Variants in ASPRV1 observed in about 807,000 individuals in gnomAD.
ASPRV1 encodes retroviral-like aspartic protease 1.
Under a neutral mutation model 11.0 loss-of-function variants are expected in ASPRV1, and 7 were observed. The ratio of observed to expected loss-of-function variants is 0.64; its 90% CI spans 0.36 to 1.20. ASPRV1 has a LOEUF of 1.20. ASPRV1 is among the 50% of genes most tolerant of loss of function. ASPRV1 has a pLI of 0.02. For missense variants in ASPRV1, 299 were observed against 320.0 expected (o/e 0.93, Z 0.50); for synonymous variants, 136 against 138.4 (o/e 0.98, Z 0.12).
the ASPRV1 span, among the ~76,000 whole-genome samples, chr2:69,973,403 T>A: frequency 6.6e-6 from 1 of 152,066 alleles, no homozygotes; most frequent in Non-Finnish European, 1.5e-5. Context: ...TTTTACAGAA[T>A]GGGTTGCCCA....
the ASPRV1 span, among the ~76,000 whole-genome samples, chr2:70,082,441 T>TG: frequency 2.0e-5 from 3 of 152,020 alleles, no homozygotes; most frequent in African/African-American, 7.2e-5. Context: ...CCGGGTGCGG[T>TG]GGCTCACACC....
the ASPRV1 span, among the ~76,000 whole-genome samples, chr2:69,974,108 C>T: frequency 5.9e-5 from 9 of 152,288 alleles, no homozygotes; most frequent in East Asian, 9.6e-4. Flanking sequence ...GAGACCGAGG[C>T]GGGCAGATCA....
chr2:69,947,312 G>A, the ASPRV1 span, among the ~76,000 whole-genome samples: 1 of 152,142 alleles, frequency 6.6e-6, no homozygotes, highest in Non-Finnish European at 1.5e-5. Context: ...TATAATGTTA[G>A]GGAAAAGTAT....
the ASPRV1 span, among the ~76,000 whole-genome samples, chr2:70,008,636 TG>T: frequency 6.6e-6 from 1 of 151,530 alleles, no homozygotes; most frequent in South Asian, 2.1e-4. Flanking sequence ...TGTTTTTGTG[TG>T]TTTTTTTTTT....
chr2:69,964,227 C>G (rs1419126378), upstream of ASPRV1: 1 of 364,196 alleles, frequency 2.7e-6, no homozygotes, highest in Admixed American at 3.7e-5. Context: ...GAGCCCAAGC[C>G]CACCTTGGCC....
At chr2:70,000,468 G>A in the ASPRV1 span, 3 of 150,472 alleles carry the variant, frequency 2.0e-5, no homozygotes, top group Non-Finnish European at 4.4e-5. Context: ...CAAATGAAGT[G>A]GGAAAAATGG....
the ASPRV1 span, chr2:69,938,149 C>G: frequency 4.0e-5 from 64 of 1,614,232 alleles, no homozygotes; most frequent in African/African-American, 8.0e-4. Context: ...GTGATCTGGA[C>G]TGGAGCAGCA....
At chr2:70,079,755 G>A in the ASPRV1 span, among the ~76,000 whole-genome samples, 1 of 152,116 alleles carries the variant, frequency 6.6e-6, no homozygotes, top group Non-Finnish European at 1.5e-5. Context: ...TTCTAAACCT[G>A]TTCTTTCCTA....
At chr2:69,952,657 T>A in the ASPRV1 span, among the ~76,000 whole-genome samples, 22 of 152,300 alleles carry the variant, frequency 1.4e-4, no homozygotes, top group Admixed American at 5.2e-4. Flanking sequence ...ATAAGCAAGC[T>A]GTGAGTTACC....
At chr2:70,063,366 C>A in the ASPRV1 span, among the ~76,000 whole-genome samples, 1 of 152,186 alleles carries the variant, frequency 6.6e-6, no homozygotes, top group Non-Finnish European at 1.5e-5. Context: ...GCCTCACTGA[C>A]AGAGTCCCGT....
At chr2:69,978,021 T>C in the ASPRV1 span, among the ~76,000 whole-genome samples, 1 of 152,106 alleles carries the variant, frequency 6.6e-6, no homozygotes, top group Non-Finnish European at 1.5e-5. Flanking sequence ...AACTCAGACA[T>C]CCCCTACCCT....
At chr2:69,977,578 G>A in the ASPRV1 span, among the ~76,000 whole-genome samples, 1 of 152,134 alleles carries the variant, frequency 6.6e-6, no homozygotes, top group African/African-American at 2.4e-5. Flanking sequence ...TAAAATGAAG[G>A]TTGACCTTCC....
chr2:69,995,712 G>A, the ASPRV1 span, among the ~76,000 whole-genome samples: 1 of 152,168 alleles, frequency 6.6e-6, no homozygotes, highest in Non-Finnish European at 1.5e-5. Context: ...GGGCAGAAGG[G>A]AGGGCAGGGG....
At chr2:70,065,819 C>CAAAAAAAAAAAAAAAAAAAAAAA in the ASPRV1 span, among the ~76,000 whole-genome samples, 2 of 67,448 alleles carry the variant, frequency 3.0e-5, no homozygotes, top group Non-Finnish European at 5.3e-5. Flanking sequence ...GCTTTTGACT[C>CAAAAAAAAAAAAAAAAAAAAAAA]AAAAAAAAAA....
At chr2:69,984,146 C>A in the ASPRV1 span, among the ~76,000 whole-genome samples, 3 of 152,168 alleles carry the variant, frequency 2.0e-5, no homozygotes, top group Non-Finnish European at 4.4e-5. Context: ...TTAAGCAATT[C>A]TCCTGCCTTA....
At chr2:70,055,040 C>T in the ASPRV1 span, among the ~76,000 whole-genome samples, 4 of 152,190 alleles carry the variant, frequency 2.6e-5, no homozygotes, top group Non-Finnish European at 4.4e-5. Context: ...AGGTGGCTCA[C>T]GCCTATAATC....
the ASPRV1 span, among the ~76,000 whole-genome samples, chr2:70,051,668 TAG>T: frequency 1.3e-5 from 2 of 152,092 alleles, no homozygotes; most frequent in Non-Finnish European, 2.9e-5. Flanking sequence ...ATACCAAGTA[TAG>T]AGCATGGATA....
rs369103751 is a variant in ASPRV1 at position 69,961,431 on chromosome 2, G to C, written c.6C>G (p.Ala2=). The change falls in exon 1 of 1, where the codon GCC becomes GCG. Residue 2 remains alanine (A), a synonymous_variant. Coordinates refer to ENST00000320256, the MANE Select transcript of ASPRV1 (RefSeq NM_152792.4). ...CTTCCTCACTCCTGGCTCCGCTCCC[G>C]GCCATCCTGCTGCTCTCCTCTGGAA... M[A]GSGARSEEGR... The C allele has an allele frequency of 1.9e-6, 3 of 1,613,922 alleles. 1 individual carries two copies. Among genetic ancestry groups the C allele is most frequent in the African/African-American group, 2.7e-5 (2 of 74,926 alleles).
the ASPRV1 span, among the ~76,000 whole-genome samples, chr2:70,048,220 C>A: frequency 1.3e-5 from 2 of 150,084 alleles, no homozygotes; most frequent in African/African-American, 4.9e-5. Context: ...TCGAGACCAT[C>A]CTGGCTAACA....
Sources: allele counts gnomAD v4.1 joint callset (sites outside exome capture counted in the v4.1 genomes callset), GRCh38; gene constraint gnomAD v4.1.1; transcripts MANE v1.5; gene names NCBI Gene and HGNC (gene_info 2026-07-23, HGNC 2026-07-21).